Variants in DIAPH3 observed in about 807,000 individuals in gnomAD.
The protein encoded by DIAPH3 is diaphanous related formin 3.
DIAPH3 carries 117 observed loss-of-function variants against 144.3 expected under a neutral mutation model. The ratio of observed to expected loss-of-function variants is 0.81; its 90% CI spans 0.70 to 0.95. The LOEUF is 0.95. Ranked by LOEUF, DIAPH3 falls within the 40% of genes least tolerant of loss-of-function variation. The probability of loss-of-function intolerance (pLI) is 0.00; values close to 1 mark genes in which losing one functional copy is unlikely to be tolerated. For missense variants in DIAPH3, 1,421 were observed against 1,412.7 expected (o/e 1.01, Z -0.09); for synonymous variants, 519 against 488.9 (o/e 1.06, Z -0.81).
intron 20 of DIAPH3, among the ~76,000 whole-genome samples, 193 bp from the exon 21 acceptor site, chr13:59,879,661 C>T (rs1342851397): frequency 6.6e-6 from 1 of 151,928 alleles, no homozygotes; most frequent in Non-Finnish European, 1.5e-5. Flanking sequence ...CCCTCAAAAC[C>T]CAAATTAACA....
chr13:60,138,881 TC>T (rs1175224462), intron 1 of DIAPH3, among the ~76,000 whole-genome samples: 2 of 148,946 alleles, frequency 1.3e-5, no homozygotes, highest in Non-Finnish European at 3.0e-5. Flanking sequence ...CTCTTAATCA[TC>T]TTCTCTTAAT....
chr13:59,936,673 G>A (rs1400835804), intron 17 of DIAPH3, among the ~76,000 whole-genome samples: 2 of 152,124 alleles, frequency 1.3e-5, no homozygotes, highest in South Asian at 2.1e-4. Flanking sequence ...TTCAAAACCC[G>A]ACTGAAGGAA....
At chr13:59,744,085 T>G (rs576145649) in intron 27 of DIAPH3, among the ~76,000 whole-genome samples, 1 of 152,310 alleles carries the variant, frequency 6.6e-6, no homozygotes, top group East Asian at 1.9e-4. Flanking sequence ...ATATGTTCAT[T>G]TTGAGAAAAA....
chr13:59,950,364 G>A (rs929387497), intron 17 of DIAPH3, among the ~76,000 whole-genome samples: 1 of 152,028 alleles, frequency 6.6e-6, no homozygotes, highest in African/African-American at 2.4e-5. Context: ...CAGTGCCTTT[G>A]TTCACACTCT....
At chr13:59,858,384 G>A (rs1398912375) in intron 22 of DIAPH3, among the ~76,000 whole-genome samples, 3 of 152,100 alleles carry the variant, frequency 2.0e-5, no homozygotes, top group Admixed American at 1.3e-4. Context: ...AGTAAGACAA[G>A]AGCACAGTTT....
intron 4 of DIAPH3, among the ~76,000 whole-genome samples, chr13:60,062,923 C>T (rs1304300201): frequency 6.6e-6 from 1 of 152,202 alleles, no homozygotes; most frequent in African/African-American, 2.4e-5. Flanking sequence ...TTGATGGCAG[C>T]TGAGTGATCA....
chr13:59,722,968 C>G (rs1024771513), intron 27 of DIAPH3, among the ~76,000 whole-genome samples: 1 of 152,176 alleles, frequency 6.6e-6, no homozygotes, highest in African/African-American at 2.4e-5. Context: ...AGCCAGAACC[C>G]TGACCTATAC....
chr13:59,748,743 A>G (rs1045982966), intron 27 of DIAPH3, among the ~76,000 whole-genome samples: 3 of 152,176 alleles, frequency 2.0e-5, no homozygotes, highest in Admixed American at 6.5e-5. Context: ...ACCAACCTCT[A>G]GATGTCTGTA....
At chr13:59,978,031 A>C (rs566810069) in intron 14 of DIAPH3, among the ~76,000 whole-genome samples, 1 of 151,754 alleles carries the variant, frequency 6.6e-6, no homozygotes, top group Non-Finnish European at 1.5e-5. Flanking sequence ...ACCCATGACT[A>C]GGTGAGGGAC....
At chr13:59,993,262 C>T (rs567043696) in intron 9 of DIAPH3, among the ~76,000 whole-genome samples, 2 of 151,948 alleles carry the variant, frequency 1.3e-5, no homozygotes, top group Non-Finnish European at 2.9e-5. Context: ...AACACTTCAA[C>T]TTTCAACTTC....
chr13:59,812,394 A>C (rs185760625), intron 24 of DIAPH3, among the ~76,000 whole-genome samples: 6 of 152,228 alleles, frequency 3.9e-5, no homozygotes, highest in African/African-American at 1.4e-4. Flanking sequence ...GGGGAGAAAA[A>C]AAAAGAGAGA....
intron 25 of DIAPH3, among the ~76,000 whole-genome samples, chr13:59,805,409 C>T (rs1384658018): frequency 1.3e-5 from 2 of 152,026 alleles, no homozygotes; most frequent in African/African-American, 4.8e-5. Flanking sequence ...ACTTGCCTTA[C>T]TAGAAATGAT....
chr13:60,160,267 G>T (rs766467823), intron 1 of DIAPH3, among the ~76,000 whole-genome samples: 1 of 152,114 alleles, frequency 6.6e-6, no homozygotes, highest in Non-Finnish European at 1.5e-5. Flanking sequence ...AACCAACACT[G>T]AAGGTACTAC....
intron 27 of DIAPH3, among the ~76,000 whole-genome samples, chr13:59,711,624 C>A (rs1032567316): frequency 6.6e-6 from 1 of 152,160 alleles, no homozygotes; most frequent in Non-Finnish European, 1.5e-5. Context: ...ACTTGAATTA[C>A]TTCATTTAGT....
Position 60,079,412 on chromosome 13 carries a change from C to G in DIAPH3, c.495+14216G>C, listed in dbSNP as rs543955690. Among the ~76,000 whole-genome samples, 27 of 151,886 alleles carry G rather than the reference C, an allele frequency of 1.8e-4. 1 individual carries two copies. Among genetic ancestry groups the G allele is most frequent in the South Asian group, 1.2e-3 (6 of 4,814 alleles). Reference sequence around the variant, plus strand: ...ACTGTTCTGTGTTCATTAATGTAATCATATATGAGAATTAAAAGAAAGAAT... The same window carrying G: ...ACTGTTCTGTGTTCATTAATGTAATGATATATGAGAATTAAAAGAAAGAAT... On this transcript the variant is annotated intron_variant, in intron 4 of 27. Transcript: ENST00000400324.
At chr13:59,740,726 T>TAC (rs2036399186) in intron 27 of DIAPH3, among the ~76,000 whole-genome samples, 1 of 152,226 alleles carries the variant, frequency 6.6e-6, no homozygotes, top group Non-Finnish European at 1.5e-5. Context: ...GTAACTTATC[T>TAC]ACCTTTATTT....
chr13:59,741,346 A>G (rs1392323284), intron 27 of DIAPH3, among the ~76,000 whole-genome samples: 1 of 152,206 alleles, frequency 6.6e-6, no homozygotes, highest in Admixed American at 6.5e-5. Context: ...TGCAGCATTT[A>G]TGCTATTGTA....
At chr13:59,919,004 CAG>C (rs1402936213) in intron 18 of DIAPH3, among the ~76,000 whole-genome samples, 2 of 139,068 alleles carry the variant, frequency 1.4e-5, no homozygotes, top group African/African-American at 2.7e-5. Flanking sequence ...AAAAATTAAA[CAG>C]AAATACTAAA....
intron 25 of DIAPH3, among the ~76,000 whole-genome samples, chr13:59,797,689 G>A (rs1260484197): frequency 1.3e-5 from 2 of 152,110 alleles, no homozygotes; most frequent in African/African-American, 4.8e-5. Flanking sequence ...TGAAGAGGAA[G>A]GAGTGGGACT....
Sources: allele counts gnomAD v4.1 joint callset (sites outside exome capture counted in the v4.1 genomes callset), GRCh38; gene constraint gnomAD v4.1.1; transcripts MANE v1.5; gene names NCBI Gene and HGNC (gene_info 2026-07-23, HGNC 2026-07-21).